FAM168A: variants seen among roughly 807,000 people sequenced by gnomAD.
FAM168A encodes protein FAM168A.
A neutral mutation model predicts 28.5 loss-of-function variants in FAM168A; 3 were observed. That is an observed-to-expected ratio of 0.11 (90% CI 0.05 to 0.27). The LOEUF (loss-of-function observed/expected upper bound fraction) is 0.27. Among genes scored for constraint, FAM168A ranks in the 10% least tolerant of loss-of-function variants. FAM168A has a pLI of 1.00. For synonymous variants in FAM168A, 122 were observed against 124.2 expected, an observed-to-expected ratio of 0.98 and a Z score of 0.12; for missense variants, 222 against 311.5, an observed-to-expected ratio of 0.71 and a Z score of 2.16.
At chr11:73,484,623 T>TCG (rs1868023000) in intron 1 of FAM168A, among the ~76,000 whole-genome samples, 1 of 145,378 alleles carries the variant, frequency 6.9e-6, no homozygotes, top group African/African-American at 2.6e-5. Context: ...TATATCTATA[T>TCG]ATAGATATCT....
chr11:73,524,473 C>A (rs1260905343), intron 1 of FAM168A, among the ~76,000 whole-genome samples: 3 of 151,644 alleles, frequency 2.0e-5, no homozygotes, highest in Admixed American at 6.6e-5. Flanking sequence ...AAATTTAAAT[C>A]TTTTAAATTT....
intron 1 of FAM168A, among the ~76,000 whole-genome samples, chr11:73,572,783 T>G (rs1334425197): frequency 1.3e-5 from 2 of 151,878 alleles, no homozygotes; most frequent in African/African-American, 2.4e-5. Context: ...GAGACCTTTG[T>G]TCACTTGTTT....
intron 1 of FAM168A, among the ~76,000 whole-genome samples, chr11:73,516,032 C>T (rs544555698): frequency 1.3e-5 from 2 of 149,612 alleles, no homozygotes; most frequent in Admixed American, 6.7e-5. Flanking sequence ...ACCCAGGAGG[C>T]GGAGGTTGCA....
At chr11:73,449,707 G>A (rs749424521) in intron 2 of FAM168A, among the ~76,000 whole-genome samples, 30 of 152,296 alleles carry the variant, frequency 2.0e-4, no homozygotes, top group Admixed American at 3.3e-4. Context: ...ATGGTACCAC[G>A]AAGATTTCAG....
intron 2 of FAM168A, among the ~76,000 whole-genome samples, chr11:73,448,692 G>C (rs1867369049): frequency 6.6e-6 from 1 of 152,120 alleles, no homozygotes; most frequent in South Asian, 2.1e-4. Context: ...GCTTTCCTAG[G>C]AGAAGAACAG....
chr11:73,477,402 A>G (rs1165919161), intron 1 of FAM168A, among the ~76,000 whole-genome samples: 1 of 152,042 alleles, frequency 6.6e-6, no homozygotes, highest in Admixed American at 6.6e-5. Flanking sequence ...TATACCACAA[A>G]TTGAAAAAAA....
At chr11:73,495,048 GAA>G (rs1439772672) in intron 1 of FAM168A, among the ~76,000 whole-genome samples, 2 of 151,308 alleles carry the variant, frequency 1.3e-5, no homozygotes, top group African/African-American at 2.4e-5. Context: ...TCAGAAAATG[GAA>G]GAGAGGGTAA....
At chr11:73,437,542 C>A (rs1867113703) in intron 2 of FAM168A, among the ~76,000 whole-genome samples, 1 of 149,638 alleles carries the variant, frequency 6.7e-6, no homozygotes. Flanking sequence ...GCATACTCTT[C>A]TAATGATGGT....
chr11:73,571,479 C>T (rs1472724009), intron 1 of FAM168A, among the ~76,000 whole-genome samples: 3 of 151,870 alleles, frequency 2.0e-5, no homozygotes, highest in African/African-American at 7.3e-5. Flanking sequence ...AGCTCCTAAC[C>T]GCGAGTGATC....
At chr11:73,497,512 G>T (rs1205968237) in intron 1 of FAM168A, among the ~76,000 whole-genome samples, 1 of 152,062 alleles carries the variant, frequency 6.6e-6, no homozygotes, top group Non-Finnish European at 1.5e-5. Context: ...AAATATTCTA[G>T]TATATCTGTG....
At chr11:73,424,274 G>T (rs1866845438) in intron 3 of FAM168A, among the ~76,000 whole-genome samples, 1 of 152,172 alleles carries the variant, frequency 6.6e-6, no homozygotes, top group Non-Finnish European at 1.5e-5. Context: ...TTGAGAAAGG[G>T]TGCAGAAATT....
intron 1 of FAM168A, among the ~76,000 whole-genome samples, chr11:73,545,483 C>T (rs11820786): frequency 0.31 from 46,904 of 151,526 alleles, 9,511 homozygotes; most frequent in African/African-American, 0.58. Flanking sequence ...TACAAGTTTC[C>T]AATAGGTAAC....
intron 3 of FAM168A, among the ~76,000 whole-genome samples, chr11:73,428,670 A>G (rs1050057085): frequency 6.6e-6 from 1 of 152,242 alleles, no homozygotes; most frequent in African/African-American, 2.4e-5. Flanking sequence ...GATAGAACTT[A>G]CCAAATTTGA....
intron 1 of FAM168A, among the ~76,000 whole-genome samples, chr11:73,593,365 A>C (rs957260492): frequency 6.6e-6 from 1 of 152,210 alleles, no homozygotes; most frequent in Non-Finnish European, 1.5e-5. Context: ...AATTTAAAAA[A>C]AGGATATAAA....
chr11:73,426,671 A>ATGTGTG (rs199657971), intron 3 of FAM168A, among the ~76,000 whole-genome samples: 1 of 143,692 alleles, frequency 7.0e-6, no homozygotes, highest in Non-Finnish European at 1.5e-5. Flanking sequence ...GTGTGTGTGT[A>ATGTGTG]TGTGTGTGTG....
In FAM168A at chr11:73,409,676, C is replaced by A; in HGVS notation, c.421-15G>T. 6.3e-7 allele frequency: 1 copy of A among 1,591,010 alleles called. No homozygotes were observed. The highest frequency in any genetic ancestry group is 8.6e-7 in the Non-Finnish European group (1 of 1,165,890). ...TAGTAGGCTCCCTGGGGGAAAGAGG[C>A]TGAGGTCACATAGGCATTTGGAGAG... On this transcript the variant is annotated splice_polypyrimidine_tract_variant and intron_variant, in intron 5 of 7. Coordinates refer to ENST00000356467, the MANE Select transcript of FAM168A (RefSeq NM_015159.3).
At chr11:73,550,713 G>A (rs1449568368) in intron 1 of FAM168A, among the ~76,000 whole-genome samples, 1 of 151,746 alleles carries the variant, frequency 6.6e-6, no homozygotes, top group Non-Finnish European at 1.5e-5. Flanking sequence ...GGGTGAGAGG[G>A]TGTCCCAAAT....
At chr11:73,432,641 C>T (rs1162074797) in intron 2 of FAM168A, among the ~76,000 whole-genome samples, 5 of 152,034 alleles carry the variant, frequency 3.3e-5, no homozygotes, top group East Asian at 1.9e-4. Flanking sequence ...TGGCCGGGCG[C>T]GGTGGCTCAT....
chr11:73,511,439 G>C (rs1198353557), intron 1 of FAM168A, among the ~76,000 whole-genome samples: 2 of 151,808 alleles, frequency 1.3e-5, no homozygotes, highest in Non-Finnish European at 2.9e-5. Context: ...GGTTTCACCT[G>C]TGTTAGCCAG....
Sources: allele counts gnomAD v4.1 joint callset (sites outside exome capture counted in the v4.1 genomes callset), GRCh38; gene constraint gnomAD v4.1.1; transcripts MANE v1.5; gene names NCBI Gene and HGNC (gene_info 2026-07-23, HGNC 2026-07-21).